Variants in TP63 observed in about 807,000 individuals in gnomAD.
TP63 encodes the protein tumor protein p63, also known as tumor protein 63.
A neutral mutation model predicts 82.8 loss-of-function variants in TP63; 17 were observed. The ratio of observed to expected loss-of-function variants is 0.21; its 90% CI spans 0.14 to 0.31. TP63 has a LOEUF of 0.31. Ranked by LOEUF, TP63 falls within the 10% of genes least tolerant of loss-of-function variation. TP63 has a pLI of 1.00. For synonymous variants in TP63, 330 were observed against 321.7 expected, an observed-to-expected ratio of 1.03 and a Z score of -0.28; for missense variants, 648 against 895.3, an observed-to-expected ratio of 0.72 and a Z score of 3.52.
chr3:189,714,736 A>T (rs1718833824), intron 1 of TP63, among the ~76,000 whole-genome samples: 3 of 152,204 alleles, frequency 2.0e-5, no homozygotes, highest in Admixed American at 2.0e-4. Flanking sequence ...TACATAAATG[A>T]CAAAGAGTTA....
chr3:189,694,790 C>CTTTTTTTTTTTTTTTTTTTTTTTTT lies in TP63; in HGVS notation c.63-42941_63-42917dup, dbSNP rs71175304. ...TTGAAAGGAGGCCAGTATTTACAGC[C>CTTTTTTTTTTTTTTTTTTTTTTTTT]TTTTTTTTTTTTTTTTTTTTTTTTT... On this transcript the variant is annotated intron_variant, in intron 1 of 13. Coordinates refer to ENST00000264731, the MANE Select transcript of TP63 (RefSeq NM_003722.5). Among the ~76,000 whole-genome samples, 8 of 32,756 alleles carry CTTTTTTTTTTTTTTTTTTTTTTTTT rather than the reference C, an allele frequency of 2.4e-4. 4 individuals carry two copies. Among genetic ancestry groups the CTTTTTTTTTTTTTTTTTTTTTTTTT allele is most frequent in the Non-Finnish European group, 3.2e-4 (6 of 18,488 alleles). 21.5% of individuals were successfully genotyped at this position (32,756 alleles called of 152,430 possible).
At chr3:189,632,694 G>A (rs36021505) in intron 1 of TP63, among the ~76,000 whole-genome samples, 17,889 of 152,052 alleles carry the variant, frequency 0.12, 1,436 homozygotes, top group East Asian at 0.4. Context: ...AGTGGAATTT[G>A]TTGGTGGTGG....
rs1383931117 is a variant in TP63 at position 189,689,098 on chromosome 3, C to CTTTTTTTTTTTTTTTTTTTTTTTTTT, written c.63-48637_63-48636insTTTTTTTTTTTTTTTTTTTTTTTTTT. 5.9e-5 allele frequency among the ~76,000 whole-genome samples: 5 copies of CTTTTTTTTTTTTTTTTTTTTTTTTTT among 85,140 alleles called. 2 individuals are homozygous for CTTTTTTTTTTTTTTTTTTTTTTTTTT. The highest frequency in any genetic ancestry group is 6.4e-5 in the Non-Finnish European group (3 of 46,814). The allele number at this position is 85,140 out of a possible 152,430, so 55.9% of individuals were successfully genotyped here. A position where few individuals can be genotyped will look rare whatever the true frequency, so the allele number is the denominator to read the frequency against. On this transcript the variant is annotated intron_variant, in intron 1 of 13. Coordinates refer to ENST00000264731, the MANE Select transcript of TP63 (RefSeq NM_003722.5). ...CAGAGTGGCCAGCATTCAAATCTAC[C>CTTTTTTTTTTTTTTTTTTTTTTTTTT]TTTTTCTTTTTTTTTTTTTTTTTTT...
At chr3:189,850,155 G>A (rs772463172) in intron 4 of TP63, among the ~76,000 whole-genome samples, 44 of 149,648 alleles carry the variant, frequency 2.9e-4, no homozygotes, top group Non-Finnish European at 3.9e-4. Context: ...GGTGGCACTC[G>A]CCTGTAGTCC....
chr3:189,739,831 A>G (rs1188228730), intron 3 of TP63, among the ~76,000 whole-genome samples: 2 of 141,032 alleles, frequency 1.4e-5, no homozygotes, highest in Non-Finnish European at 3.1e-5. Context: ...AAGTCCTGCT[A>G]TCTTTTCTAT....
chr3:189,790,464 A>G (rs952012611), intron 3 of TP63, among the ~76,000 whole-genome samples: 2 of 152,076 alleles, frequency 1.3e-5, no homozygotes, highest in Non-Finnish European at 2.9e-5. Context: ...AAATATTTAT[A>G]CATGCATACA....
chr3:189,631,292 T>C, upstream of TP63: 1 of 1,353,636 alleles, frequency 7.4e-7, no homozygotes, highest in East Asian at 3.0e-5. Flanking sequence ...ATCGAGTGTT[T>C]ATGAAGTTTT....
the TP63 span, among the ~76,000 whole-genome samples, chr3:189,623,990 A>G: frequency 1.3e-5 from 2 of 152,352 alleles, no homozygotes; most frequent in South Asian, 2.1e-4. Flanking sequence ...AGATAAATTC[A>G]TGGCGCTTTA....
intron 4 of TP63, among the ~76,000 whole-genome samples, chr3:189,860,813 T>C (rs1716939034): frequency 6.6e-6 from 1 of 152,184 alleles, no homozygotes; most frequent in Admixed American, 6.5e-5. Flanking sequence ...AATATCACTT[T>C]TGTTGTTGTA....
chr3:189,876,638 A>G (rs1344730673), intron 10 of TP63, among the ~76,000 whole-genome samples: 4 of 152,182 alleles, frequency 2.6e-5, no homozygotes, highest in Non-Finnish European at 4.4e-5. Flanking sequence ...TGCAAAATAT[A>G]GACATTTGGT....
chr3:189,684,998 T>C (rs1047028249), intron 1 of TP63, among the ~76,000 whole-genome samples: 4 of 152,038 alleles, frequency 2.6e-5, no homozygotes, highest in African/African-American at 9.7e-5. Flanking sequence ...AGTAGAATAG[T>C]TTAGAAAAGA....
At chr3:189,682,300 A>G (rs1577231143) in intron 1 of TP63, among the ~76,000 whole-genome samples, 1 of 151,880 alleles carries the variant, frequency 6.6e-6, no homozygotes, top group East Asian at 1.9e-4. Context: ...GCCATAAATC[A>G]AAGAGAGGAA....
Position 189,649,389 on chromosome 3 carries a change from A to C in TP63, c.62+17812A>C, listed in dbSNP as rs1309370247. Among the ~76,000 whole-genome samples the C allele has an allele frequency of 2.7e-5, 4 of 146,984 alleles. 1 individual carries two copies. Among genetic ancestry groups the C allele is most frequent in the Admixed American group, 2.7e-4 (4 of 14,924 alleles). ...ATGCAGGAATAGAAAACCAAATAGC[A>C]TTATGTTTCACTCATAAGTGGAAAC... On this transcript the variant is annotated intron_variant, in intron 1 of 13. Transcript: ENST00000264731.
chr3:189,656,366 T>C (rs549755347), intron 1 of TP63, among the ~76,000 whole-genome samples: 1 of 152,232 alleles, frequency 6.6e-6, no homozygotes, highest in East Asian at 1.9e-4. Context: ...AATTTTTACA[T>C]AAATAGAGGA....
Position 189,894,497 on chromosome 3 carries a change from GA to G in TP63, c.2039del (p.Glu680GlyfsTer24). On this transcript the variant is annotated frameshift_variant, in exon 14 of 14. Transcript: ENST00000264731. LOFTEE classifies it high-confidence loss of function. ...GCAACAGCGCATCAAAGAGGAGGGG[GA>G]GTGAGCCTCACCATGTGAGCTCTTC... is the stretch of plus-strand genomic sequence containing the variant. ...NKQQRIKEEG[E>X] The G allele has an allele frequency of 6.2e-7, 1 of 1,613,086 alleles. No individual in the cohort carries two copies. The highest frequency in any genetic ancestry group is 8.5e-7 in the Non-Finnish European group (1 of 1,179,996).
chr3:189,663,690 G>A (rs1714133006), intron 1 of TP63, among the ~76,000 whole-genome samples: 1 of 151,714 alleles, frequency 6.6e-6, no homozygotes, highest in East Asian at 1.9e-4. Flanking sequence ...GCTATTTTCA[G>A]CTAATTTTTG....
chr3:189,738,897 G>T, intron 3 of TP63, 123 bp downstream of exon 3: 1 of 1,409,790 alleles, frequency 7.1e-7, no homozygotes, highest in East Asian at 2.5e-5. Flanking sequence ...TTTGGGAAGA[G>T]AGTCTATGTT....
chr3:189,832,580 CAT>C (rs1473514912), intron 4 of TP63, among the ~76,000 whole-genome samples: 1 of 152,180 alleles, frequency 6.6e-6, no homozygotes, highest in African/African-American at 2.4e-5. Context: ...CCTCTGGCCG[CAT>C]AGTCAGTTAT....
At chr3:189,791,304 A>G (rs914024777) in intron 3 of TP63, among the ~76,000 whole-genome samples, 25 of 152,246 alleles carry the variant, frequency 1.6e-4, no homozygotes, top group African/African-American at 5.3e-4. Flanking sequence ...CTGTTCATTG[A>G]TATCTCTAAG....
Sources: allele counts gnomAD v4.1 joint callset (sites outside exome capture counted in the v4.1 genomes callset), GRCh38; gene constraint gnomAD v4.1.1; transcripts MANE v1.5; gene names NCBI Gene and HGNC (gene_info 2026-07-23, HGNC 2026-07-21).